Variants in PLXNA2 observed in about 807,000 individuals in gnomAD.
The protein encoded by PLXNA2 is plexin-A2.
In PLXNA2, 91 loss-of-function variants were observed where a neutral mutation model predicts 193.5. That is an observed-to-expected ratio of 0.47 (90% CI 0.40 to 0.56). The LOEUF (loss-of-function observed/expected upper bound fraction) is 0.56. Among genes scored for constraint, PLXNA2 ranks in the 20% least tolerant of loss-of-function variants. The probability of loss-of-function intolerance (pLI) is 0.00; values close to 1 mark genes in which losing one functional copy is unlikely to be tolerated. For missense variants in PLXNA2, 1,995 were observed against 2,503.2 expected (o/e 0.80, Z 4.33); for synonymous variants, 997 against 1,027.3 (o/e 0.97, Z 0.56).
intron 13 of PLXNA2, among the ~76,000 whole-genome samples, chr1:208,058,612 C>T (rs1012751861): frequency 2.0e-5 from 3 of 152,110 alleles, no homozygotes; most frequent in Admixed American, 6.5e-5. Flanking sequence ...CTGCATCCAG[C>T]GAGGCATGGG....
At chr1:208,034,692 G>A (rs571635499) in intron 26 of PLXNA2, 100 bp from the exon 27 acceptor site, 1 of 722,766 alleles carries the variant, frequency 1.4e-6, no homozygotes, top group African/African-American at 1.7e-5. Context: ...TAGCTGTGGG[G>A]TAGAGAGCAA....
chr1:208,037,797 T>C (rs1374013432), intron 26 of PLXNA2, among the ~76,000 whole-genome samples: 2 of 152,220 alleles, frequency 1.3e-5, no homozygotes, highest in African/African-American at 2.4e-5. Flanking sequence ...ACCTTCTATC[T>C]TGAATCTATT....
chr1:208,030,387 CCTG>C, intron 29 of PLXNA2: 1 of 985,662 alleles, frequency 1.0e-6, no homozygotes, highest in Non-Finnish European at 1.2e-6. Flanking sequence ...CTTGATTTCC[CCTG>C]AAGTGCCCTC....
At chr1:208,068,512 C>T (rs543527281) in intron 12 of PLXNA2, among the ~76,000 whole-genome samples, 11 of 152,316 alleles carry the variant, frequency 7.2e-5, no homozygotes, top group South Asian at 4.1e-4. Context: ...GCCTTTTCAC[C>T]GAAGATCTTG....
intron 17 of PLXNA2, among the ~76,000 whole-genome samples, chr1:208,047,158 A>G (rs1665100187): frequency 6.6e-6 from 1 of 152,034 alleles, no homozygotes; most frequent in South Asian, 2.1e-4. Context: ...ACAGGGTTTC[A>G]CCATGTTTGC....
chr1:208,022,309 G>T lies in PLXNA2; in HGVS notation c.*4934C>A, dbSNP rs1182264854. ...TTTATATATAACAACAGTACAAATT[G>T]TGTCCTCAGCTTGCAAAATAGGAGT... On this transcript the variant is annotated 3_prime_UTR_variant, in exon 32 of 32. Transcript: ENST00000367033. The T allele has an allele frequency of 6.6e-6, 1 of 152,136 alleles. No homozygotes were observed. Among genetic ancestry groups the T allele is most frequent in the East Asian group, 1.9e-4 (1 of 5,194 alleles). 9.4% of individuals were successfully genotyped at this position (152,136 alleles called of 1,614,324 possible). A position where few individuals can be genotyped will look rare whatever the true frequency, so the allele number is the denominator to read the frequency against.
At chr1:208,034,421 G>T in intron 27 of PLXNA2, 72 bp downstream of exon 27, 2 of 934,740 alleles carry the variant, frequency 2.1e-6, no homozygotes, top group Non-Finnish European at 3.5e-6. Flanking sequence ...GTTAGAAGGG[G>T]TAGCGAGTGG....
At chr1:208,103,959 G>T (rs972866686) in intron 4 of PLXNA2, among the ~76,000 whole-genome samples, 1 of 152,084 alleles carries the variant, frequency 6.6e-6, no homozygotes, top group African/African-American at 2.4e-5. Flanking sequence ...GCCCTGCAGG[G>T]GCTTGAGCTG....
chr1:208,119,241 G>A (rs1667733730), intron 4 of PLXNA2, among the ~76,000 whole-genome samples: 1 of 152,182 alleles, frequency 6.6e-6, no homozygotes, highest in South Asian at 2.1e-4. Flanking sequence ...TGGGGTTGGA[G>A]GTCTCCAGGA....
At chr1:208,222,213 C>G (rs1173963793) in intron 1 of PLXNA2, among the ~76,000 whole-genome samples, 3 of 152,202 alleles carry the variant, frequency 2.0e-5, no homozygotes, top group African/African-American at 7.2e-5. Flanking sequence ...CCCCAATTTT[C>G]TGCTAGTGTC....
At chr1:208,058,156 G>A (rs1314836924) in intron 13 of PLXNA2, among the ~76,000 whole-genome samples, 2 of 152,198 alleles carry the variant, frequency 1.3e-5, no homozygotes, top group Non-Finnish European at 2.9e-5. Flanking sequence ...CAATGGCTGA[G>A]TTCACAGGTA....
At chr1:208,042,013 G>A in intron 22 of PLXNA2, 85 bp downstream of exon 22, 1 of 1,432,858 alleles carries the variant, frequency 7.0e-7, no homozygotes, top group Admixed American at 2.0e-5. Flanking sequence ...GCCTTCTCAT[G>A]CTGCTTGTGG....
chr1:208,050,127 T>C (rs1359444794), intron 17 of PLXNA2, among the ~76,000 whole-genome samples: 1 of 152,248 alleles, frequency 6.6e-6, no homozygotes, highest in Non-Finnish European at 1.5e-5. Flanking sequence ...GGAAGACTAA[T>C]ATAAAATGTC....
At chr1:208,201,304 G>A (rs530975877) in intron 3 of PLXNA2, among the ~76,000 whole-genome samples, 13 of 152,294 alleles carry the variant, frequency 8.5e-5, no homozygotes, top group African/African-American at 2.6e-4. Flanking sequence ...TTAATTCTGC[G>A]AAGCTACAAC....
intron 3 of PLXNA2, among the ~76,000 whole-genome samples, chr1:208,186,991 G>T (rs936150161): frequency 1.3e-5 from 2 of 152,066 alleles, no homozygotes; most frequent in Non-Finnish European, 2.9e-5. Context: ...AAAGTGCTGG[G>T]ATTACAGGCG....
In PLXNA2 at chr1:208,038,544, G is replaced by A; in HGVS notation, c.4661-70C>T. ...GGCTGTGAGCCAGTGTCTCCCGATT[G>A]CACCTTCTCTAGGGACCTGGCAACC... On this transcript the variant is annotated intron_variant, in intron 25 of 31. Transcript: ENST00000367033. The surrounding 1 kb of genome is among the most constrained non-coding windows in gnomAD (Gnocchi z 4.1). The A allele has an allele frequency of 8.4e-7, 1 of 1,193,472 alleles. No homozygotes were observed. Among genetic ancestry groups the A allele is most frequent in the Non-Finnish European group, 1.3e-6 (1 of 799,264 alleles). The allele number at this position is 1,193,472 out of a possible 1,614,324, so 73.9% of individuals were successfully genotyped here. A position where few individuals can be genotyped will look rare whatever the true frequency, so the allele number is the denominator to read the frequency against.
intron 12 of PLXNA2, among the ~76,000 whole-genome samples, chr1:208,072,947 A>G (rs1336622724): frequency 6.6e-6 from 1 of 152,210 alleles, no homozygotes; most frequent in Non-Finnish European, 1.5e-5. Context: ...GGGGAAATGT[A>G]TAGCCAAGGA....
chr1:208,069,509 G>A (rs1313750842), intron 12 of PLXNA2, among the ~76,000 whole-genome samples: 1 of 152,264 alleles, frequency 6.6e-6, no homozygotes, highest in Non-Finnish European at 1.5e-5. Flanking sequence ...AAGGGTGAGA[G>A]CAGATGCAGC....
chr1:208,204,810 C>T (rs1388802764), intron 3 of PLXNA2, among the ~76,000 whole-genome samples: 1 of 152,162 alleles, frequency 6.6e-6, no homozygotes, highest in South Asian at 2.1e-4. Context: ...TTGCCAGATG[C>T]TGTGGGGTCT....
Sources: allele counts gnomAD v4.1 joint callset (sites outside exome capture counted in the v4.1 genomes callset), GRCh38; gene constraint gnomAD v4.1.1; non-coding constraint Gnocchi (gnomAD v3.1); transcripts MANE v1.5; gene names NCBI Gene and HGNC (gene_info 2026-07-23, HGNC 2026-07-21).